Variants in AUP1 observed in about 807,000 individuals in gnomAD.
The protein encoded by AUP1 is AUP1 lipid droplet regulating VLDL assembly factor.
A neutral mutation model predicts 51.8 loss-of-function variants in AUP1; 30 were observed. The observed-to-expected ratio is 0.58, with a 90% confidence interval of 0.43 to 0.79. The LOEUF (loss-of-function observed/expected upper bound fraction) is 0.79. AUP1 is among the 30% of genes least tolerant of loss of function. The pLI is 0.00. For missense variants in AUP1, 492 were observed against 517.1 expected (o/e 0.95, Z 0.47); for synonymous variants, 227 against 209.0 (o/e 1.09, Z -0.74).
At chr2:74,527,180 A>G in intron 10 of AUP1, 68 bp downstream of exon 10, 1 of 1,599,290 alleles carries the variant, frequency 6.3e-7, no homozygotes, top group Non-Finnish European at 8.5e-7. Context: ...AAGGTCAGGG[A>G]TAAGGGAGTA....
chr2:74,528,570 T>G, intron 4 of AUP1, 81 bp from the exon 5 acceptor site: 1 of 1,428,984 alleles, frequency 7.0e-7, no homozygotes, highest in Admixed American at 1.8e-5. Context: ...CAGGCAACTG[T>G]CAAACTCTAC....
At position 74,529,619 on chromosome 2, in the gene AUP1, G is replaced by A. The variant is rs780721110; in HGVS notation, c.11C>T (p.Pro4Leu). 4 of 1,568,768 alleles carry A rather than the reference G, an allele frequency of 2.5e-6. No individual in the cohort carries two copies. In the African/African-American group the frequency reaches 4.1e-5, roughly 16 times the overall value. The change falls in exon 1 of 12, where the codon CCC (proline) becomes CTC (leucine). Residue 4 changes from proline (P) to leucine (L), a missense_variant. Pro to Leu is a moderately conservative substitution (Grantham distance 98). Coordinates refer to ENST00000377526, the MANE Select transcript of AUP1 (RefSeq NM_181575.5). MEL[P>L]SGPGPERLFD... The stretch of plus-strand genomic sequence containing the variant: ...GAGCCGCTCCGGCCCCGGCCCTGAG[G>A]GAAGCTCCATAACTGCTGCTTCAGG...
In AUP1 at chr2:74,529,687, G is replaced by C. The variant is rs912614645; in HGVS notation, c.-58C>G. On this transcript the variant is annotated 5_prime_UTR_variant, in exon 1 of 12. Coordinates refer to ENST00000377526, the MANE Select transcript of AUP1 (RefSeq NM_181575.5). ...GCCGCCGCCATTTTCGCGCCCGGCC[G>C]CAGGGGCTCTTGGGAAGGCGGAGTC... The C allele has an allele frequency of 1.3e-6, 2 of 1,540,236 alleles. No individual in the cohort carries two copies. Among genetic ancestry groups the C allele is most frequent in the Non-Finnish European group, 1.7e-6 (2 of 1,146,562 alleles).
At position 74,528,942 on chromosome 2, in the gene AUP1, A is replaced by G. The variant is rs1675349618; in HGVS notation, c.340-7T>C. 6.2e-7 allele frequency: 1 copy of G among 1,613,858 alleles called. No homozygotes were observed. The highest frequency in any genetic ancestry group is 8.5e-7 in the Non-Finnish European group (1 of 1,179,852). On this transcript the variant is annotated splice_polypyrimidine_tract_variant and splice_region_variant and intron_variant, in intron 3 of 11. Coordinates refer to ENST00000377526, the MANE Select transcript of AUP1 (RefSeq NM_181575.5). ...GGGGACTATTGAGTAGAGGCTGGGA[A>G]CCAGGAGAAGAGAAAGCAAGAAGAA...
chr2:74,528,571 C>T, intron 4 of AUP1, 82 bp from the exon 5 acceptor site: 1 of 1,417,746 alleles, frequency 7.1e-7, no homozygotes, highest in Non-Finnish European at 9.9e-7. Flanking sequence ...AGGCAACTGT[C>T]AAACTCTACA....
At chr2:74,528,217 C>T in intron 6 of AUP1, 31 bp downstream of exon 6, 1 of 1,602,124 alleles carries the variant, frequency 6.2e-7, no homozygotes, top group Non-Finnish European at 8.6e-7. Context: ...GAGCCTCTCC[C>T]CAGCGACCAA....
At chr2:74,528,396 C>T (rs756292655) in intron 5 of AUP1, 21 bp downstream of exon 5, 1 of 1,612,554 alleles carries the variant, frequency 6.2e-7, no homozygotes, top group African/African-American at 1.3e-5. Flanking sequence ...CCCAGAGATT[C>T]CCTGTTCAAC....
chr2:74,529,097 C>G, intron 3 of AUP1, 35 bp downstream of exon 3: 2 of 1,614,140 alleles, frequency 1.2e-6, no homozygotes, highest in Non-Finnish European at 1.7e-6. Flanking sequence ...CCCAGGGAAC[C>G]GCCCCGTGGC....
In AUP1 at chr2:74,529,275, C is replaced by A; in HGVS notation, c.196G>T (p.Val66Leu). 2 of 1,614,224 alleles carry A rather than the reference C, an allele frequency of 1.2e-6. No individual in the cohort carries two copies. The highest frequency in any genetic ancestry group is 1.7e-6 in the Non-Finnish European group (2 of 1,180,034). ...LPDSVLRRFV[V>L]RTMCAVLGLV... ...CCTAGCACCGCACACATGGTCCGCA[C>A]TACGAATCTGGGGACACAGGAGGTG... The change falls in exon 3 of 12, where the codon GTG becomes TTG. Residue 66 changes from valine to leucine, a missense_variant. By Grantham distance (32) the Val-to-Leu change is conservative. Transcript: ENST00000377526.
In AUP1 at chr2:74,528,473, T is replaced by G; in HGVS notation, c.541A>C (p.Ile181Leu). ...GTAAGAGGTTGTACCACATCTTGGA[T>G]AGAAAATGGCCAGGAACTAGAAGAG... Reference protein sequence around the residue: ...LLRFSSWPFSIQDVVQPLTLQ... With the variant: ...LLRFSSWPFSLQDVVQPLTLQ... Residue 181 changes from isoleucine to leucine, a missense_variant, in exon 5 of 12, where the codon ATC (isoleucine) becomes CTC (leucine). Coordinates refer to ENST00000377526, the MANE Select transcript of AUP1 (RefSeq NM_181575.5). 1 of 1,613,350 alleles carries G rather than the reference T, an allele frequency of 6.2e-7. No individual in the cohort carries two copies. The highest frequency in any genetic ancestry group is 1.3e-5 in the African/African-American group (1 of 74,956).
At chr2:74,527,424 T>C (rs1227033734) in intron 9 of AUP1, 47 bp downstream of exon 9, 1 of 1,611,060 alleles carries the variant, frequency 6.2e-7, no homozygotes, top group South Asian at 1.1e-5. Context: ...CAACCCACTT[T>C]TCCTCCCTGT....
chr2:74,528,869 C>T lies in AUP1; in HGVS notation c.406G>A (p.Gly136Arg). Reference protein sequence around the residue: ...SRGFMEMNGRGELVESLKRFC... With the variant: ...SRGFMEMNGRRELVESLKRFC... ...CTCTTGAGTGACTCCACCAACTCCC[C>T]CCGCCCATTCATCTCCATGAAGCCC... Residue 136 changes from glycine to arginine, a missense_variant, in exon 4 of 12, where the codon GGG becomes AGG. By Grantham distance (125) the Gly-to-Arg change is moderately radical (BLOSUM62 -2). Transcript: ENST00000377526. The T allele has an allele frequency of 5.0e-6, 8 of 1,614,166 alleles. No homozygotes were observed. Among genetic ancestry groups the T allele is most frequent in the Non-Finnish European group, 6.8e-6 (8 of 1,180,034 alleles).
chr2:74,528,544 C>T (rs986484347), intron 4 of AUP1, 55 bp from the exon 5 acceptor site: 3 of 1,500,954 alleles, frequency 2.0e-6, no homozygotes, highest in South Asian at 1.1e-5. Flanking sequence ...GTCAGCAGCT[C>T]ACACCTGCCT....
Position 74,527,326 on chromosome 2 carries a change from C to A in AUP1, c.999G>T (p.Leu333=), listed in dbSNP as rs765308059. Residue 333 remains leucine (L), a synonymous_variant, in exon 10 of 12, where the codon CTG becomes CTT. Transcript: ENST00000377526. ...GCATGAAAGCTACGGCCCCCTCAAG[C>A]AGATTAGTGATAGTCAAGTCTACAC... is the stretch of plus-strand genomic sequence containing the variant. ...TGCVDLTITN[L]LEGAVAFMPE... 1 of 1,614,048 alleles carries A rather than the reference C, an allele frequency of 6.2e-7. No individual in the cohort carries two copies. The highest frequency in any genetic ancestry group is 8.5e-7 in the Non-Finnish European group (1 of 1,180,008).
At position 74,528,425 on chromosome 2, in the gene AUP1, C is replaced by T. The variant is rs780280706; in HGVS notation, c.589G>A (p.Val197Ile). The T allele has an allele frequency of 1.2e-6, 2 of 1,613,554 alleles. No homozygotes were observed. The highest frequency in any genetic ancestry group is 2.2e-5 in the South Asian group (2 of 91,064). The change falls in exon 5 of 12, where the codon GTC becomes ATC. Residue 197 changes from valine to isoleucine, a missense_variant. By Grantham distance (29) the Val-to-Ile change is conservative. Transcript: ENST00000377526. ...PLTLQVQRPLVSVTVSDASWV... is the reference protein window; with the variant it reads ...PLTLQVQRPLISVTVSDASWV... Reference sequence around the variant, plus strand: ...GTTCAACACACACTCACCACAGAGACCAGGGGTCTCTGAACTTGCAGGGTA... The same window carrying T: ...GTTCAACACACACTCACCACAGAGATCAGGGGTCTCTGAACTTGCAGGGTA...
In AUP1 at chr2:74,526,820, GTCTC is replaced by G; in HGVS notation, c.1209_1212del (p.Glu403AspfsTer?). 1 of 1,551,012 alleles carries G rather than the reference GTCTC, an allele frequency of 6.4e-7. No homozygotes were observed. Among genetic ancestry groups the G allele is most frequent in the Non-Finnish European group, 8.7e-7 (1 of 1,146,832 alleles). ...TGAGCTCAGTCAGCCTCCTGGGCTCGTCTCTCTGTGAATCTCCTGTGGGACATAG... is the reference window on the plus strand; with the variant it reads ...TGAGCTCAGTCAGCCTCCTGGGCTCGTCTGTGAATCTCCTGTGGGACATAG... On this transcript the variant is annotated frameshift_variant, in exon 12 of 12. Coordinates refer to ENST00000377526, the MANE Select transcript of AUP1 (RefSeq NM_181575.5). LOFTEE classifies it high-confidence loss of function.
rs762527856 is a variant in AUP1, at chr2:74,529,279, G to T, written c.192C>A (p.Phe64Leu). The T allele has an allele frequency of 1.9e-6, 3 of 1,614,202 alleles. No individual in the cohort carries two copies. Among genetic ancestry groups the T allele is most frequent in the Non-Finnish European group, 2.5e-6 (3 of 1,180,028 alleles). The part of the protein sequence containing the change: ...CALPDSVLRR[F>L]VVRTMCAVLG... The stretch of plus-strand genomic sequence containing the variant: ...GCACCGCACACATGGTCCGCACTAC[G>T]AATCTGGGGACACAGGAGGTGGTGA... The change falls in exon 3 of 12, where the codon TTC becomes TTA. Residue 64 changes from phenylalanine to leucine, a missense_variant. Physicochemically the swap from Phe to Leu is conservative, Grantham distance 22. Coordinates refer to ENST00000377526, the MANE Select transcript of AUP1 (RefSeq NM_181575.5).
At chr2:74,529,530 C>T (rs773326205) in intron 1 of AUP1, 31 bp from the exon 2 acceptor site, 3 of 1,548,370 alleles carry the variant, frequency 1.9e-6, no homozygotes, top group Non-Finnish European at 2.6e-6. Flanking sequence ...GGTCAGGCGC[C>T]GAAGGCCGAG....
At chr2:74,528,170 G>T in intron 6 of AUP1, 78 bp downstream of exon 6, 1 of 1,507,386 alleles carries the variant, frequency 6.6e-7, no homozygotes. Flanking sequence ...TCTACAAATG[G>T]ACAGGGCAGA....
Sources: allele counts gnomAD v4.1 joint callset, GRCh38; gene constraint gnomAD v4.1.1; transcripts MANE v1.5; gene names NCBI Gene and HGNC (gene_info 2026-07-23, HGNC 2026-07-21).